SPAG17: variants seen among roughly 807,000 people sequenced by gnomAD.
The protein encoded by SPAG17 is sperm associated antigen 17.
In SPAG17, 169 loss-of-function variants were observed where a neutral mutation model predicts 273.6. The observed-to-expected ratio is 0.62, with a 90% confidence interval of 0.55 to 0.70. The LOEUF is 0.70. SPAG17 is among the 30% of genes least tolerant of loss of function. SPAG17 has a pLI of 0.00. For missense variants in SPAG17, 2,557 were observed against 2,627.8 expected (o/e 0.97, Z 0.59); for synonymous variants, 825 against 873.2 (o/e 0.94, Z 0.97).
intron 7 of SPAG17, among the ~76,000 whole-genome samples, chr1:118,093,787 A>T (rs1655539315): frequency 6.6e-6 from 1 of 152,220 alleles, no homozygotes; most frequent in Non-Finnish European, 1.5e-5. Context: ...GCATCTACAC[A>T]AGTATGTGGG....
intron 26 of SPAG17, among the ~76,000 whole-genome samples, chr1:118,027,917 G>A (rs1388884783): frequency 6.6e-6 from 1 of 152,158 alleles, no homozygotes; most frequent in African/African-American, 2.4e-5. Context: ...AGAACACAGG[G>A]ATACACACAA....
chr1:118,184,892 T>C (rs960049442), intron 1 of SPAG17, among the ~76,000 whole-genome samples, 179 bp downstream of exon 1: 3 of 152,136 alleles, frequency 2.0e-5, no homozygotes, highest in African/African-American at 7.2e-5. Flanking sequence ...TGGTGGGTGT[T>C]CCCTTAAGTT....
intron 38 of SPAG17, among the ~76,000 whole-genome samples, chr1:117,989,654 C>T (rs1447029187): frequency 1.3e-5 from 2 of 152,144 alleles, no homozygotes; most frequent in Non-Finnish European, 2.9e-5. Context: ...CTGCTCATTG[C>T]AACCATCACC....
intron 19 of SPAG17, 45 bp downstream of exon 19, chr1:118,055,688 C>T (rs200512441): frequency 5.5e-5 from 78 of 1,415,260 alleles, no homozygotes; most frequent in Admixed American, 7.9e-5. Context: ...GAGAGAAGAA[C>T]GTTCTTGAAT....
rs1468937045 is a variant in SPAG17, at chr1:118,093,231, C to T, written c.1098G>A (p.Leu366=). 6.2e-7 allele frequency: 1 copy of T among 1,613,656 alleles called. No homozygotes were observed. The highest frequency in any genetic ancestry group is 8.5e-7 in the Non-Finnish European group (1 of 1,179,818). ...LDWKRQHQHY[L]ESMQLINVPQ... ...GAACATTAATAAGCTGCATGCTTTC[C>T]AAATAGTGCTGGTGCTGCCTTTTCC... Residue 366 remains leucine, a synonymous_variant, in exon 8 of 49, where the codon TTG becomes TTA. Coordinates refer to ENST00000336338, the MANE Select transcript of SPAG17 (RefSeq NM_206996.4).
At chr1:117,979,708 T>C (rs1655553087) in intron 43 of SPAG17, among the ~76,000 whole-genome samples, 1 of 152,232 alleles carries the variant, frequency 6.6e-6, no homozygotes, top group African/African-American at 2.4e-5. Context: ...CATCTTCTTT[T>C]ACTTTTTCCT....
At chr1:118,099,186 A>C (rs576959177) in intron 6 of SPAG17, among the ~76,000 whole-genome samples, 325 of 152,298 alleles carry the variant, frequency 2.1e-3, no homozygotes, top group African/African-American at 7.5e-3. Flanking sequence ...TCATAATAAG[A>C]CAATAGCAGA....
intron 10 of SPAG17, among the ~76,000 whole-genome samples, chr1:118,091,339 A>G (rs1244264141): frequency 6.6e-6 from 1 of 152,200 alleles, no homozygotes; most frequent in Non-Finnish European, 1.5e-5. Context: ...TTCCATTAAA[A>G]TGACACCAGA....
intron 8 of SPAG17, among the ~76,000 whole-genome samples, chr1:118,092,752 G>C (rs532430598): frequency 2.0e-5 from 3 of 152,138 alleles, no homozygotes; most frequent in African/African-American, 7.2e-5. Flanking sequence ...ATCATGCTAC[G>C]TTGAAATCAT....
rs1201326687 is a variant in SPAG17 at position 118,031,717 on chromosome 1, T to C, written c.3584A>G (p.Glu1195Gly). The change falls in exon 25 of 49, where the codon GAA becomes GGA. Residue 1195 changes from glutamate (E) to glycine (G), a missense_variant. Physicochemically the swap from Glu to Gly is moderately conservative, Grantham distance 98 (BLOSUM62 -2). Coordinates refer to ENST00000336338, the MANE Select transcript of SPAG17 (RefSeq NM_206996.4). ...CTTTTTCTCTTCTTCTTTTGGGTGTTCTTCTTCTTTAAGGGATTCTTTGGG... is the reference window on the plus strand; with the variant it reads ...CTTTTTCTCTTCTTCTTTTGGGTGTCCTTCTTCTTTAAGGGATTCTTTGGG... ...EKPKESLKEEEHPKEEEKKEE... is the reference protein window; with the variant it reads ...EKPKESLKEEGHPKEEEKKEE... 5 of 1,613,324 alleles carry C rather than the reference T, an allele frequency of 3.1e-6. No individual in the cohort carries two copies. Among genetic ancestry groups the C allele is most frequent in the Non-Finnish European group, 4.2e-6 (5 of 1,179,758 alleles).
At chr1:118,175,901 C>T (rs895519474) in intron 1 of SPAG17, among the ~76,000 whole-genome samples, 5 of 151,980 alleles carry the variant, frequency 3.3e-5, no homozygotes, top group Non-Finnish European at 7.4e-5. Context: ...CTATTAAAAA[C>T]AATAATAGCT....
At chr1:118,058,711 A>G (rs778495156) in intron 18 of SPAG17, among the ~76,000 whole-genome samples, 5 of 152,138 alleles carry the variant, frequency 3.3e-5, no homozygotes, top group Non-Finnish European at 5.9e-5. Context: ...CCAGTAATCA[A>G]CTCTACACTA....
chr1:118,077,813 T>A (rs2102129189), intron 15 of SPAG17, among the ~76,000 whole-genome samples: 1 of 152,254 alleles, frequency 6.6e-6, no homozygotes, highest in African/African-American at 2.4e-5. Flanking sequence ...AAAATCACCA[T>A]GAATGAGACT....
Position 118,091,715 on chromosome 1 carries a change from GTCACTGTAAAATA to G in SPAG17, c.1247-10_1249del. The G allele has an allele frequency of 6.3e-7, 1 of 1,586,730 alleles. No homozygotes were observed. The highest frequency in any genetic ancestry group is 8.6e-7 in the Non-Finnish European group (1 of 1,156,110). On this transcript the variant is annotated splice_acceptor_variant and splice_polypyrimidine_tract_variant and coding_sequence_variant and intron_variant, in exon 10 of 49. Coordinates refer to ENST00000336338, the MANE Select transcript of SPAG17 (RefSeq NM_206996.4). LOFTEE classifies it high-confidence loss of function. ...GTCTACTTCAGTTGTGATGACTGAAGTCACTGTAAAATATAGAAAATACCATTGCCCAATTAAG... is the reference window on the plus strand; with the variant it reads ...GTCTACTTCAGTTGTGATGACTGAAGTAGAAAATACCATTGCCCAATTAAG...
chr1:118,096,105 C>T (rs888296849), intron 7 of SPAG17, among the ~76,000 whole-genome samples: 8 of 152,158 alleles, frequency 5.3e-5, no homozygotes, highest in South Asian at 4.1e-4. Context: ...ACATCTAATG[C>T]CTTGTGCTGA....
intron 23 of SPAG17, among the ~76,000 whole-genome samples, chr1:118,037,715 A>G (rs1461080728): frequency 6.6e-6 from 1 of 152,182 alleles, no homozygotes; most frequent in Non-Finnish European, 1.5e-5. Flanking sequence ...CGTAGTGTGT[A>G]TGTACCACAT....
At position 117,970,118 on chromosome 1, in the gene SPAG17, T is replaced by A; in HGVS notation, c.6327-2A>T. The A allele has an allele frequency of 6.2e-7, 1 of 1,610,378 alleles. No individual in the cohort carries two copies. The highest frequency in any genetic ancestry group is 8.5e-7 in the Non-Finnish European group (1 of 1,178,890). On this transcript the variant is annotated splice_acceptor_variant, in intron 45 of 48. Transcript: ENST00000336338. LOFTEE classifies it high-confidence loss of function. ...GGTGGGGGCTGCTTTACTTTAAACC[T>A]ACAAGGCAGAAAGATAAAAATAAAT... is the stretch of plus-strand genomic sequence containing the variant.
intron 48 of SPAG17, chr1:117,954,513 CTG>C: frequency 7.0e-7 from 1 of 1,435,856 alleles, no homozygotes. Context: ...AGTTACCACT[CTG>C]TCTATAACAA....
rs1168728470 is a variant in SPAG17, at chr1:117,958,949, G to T, written c.*4850C>A. On this transcript the variant is annotated intron_variant, in intron 48 of 48. Transcript: ENST00000336338. Reference sequence around the variant, plus strand: ...AGATCACTAGCAATCAAATGCTTGTGCCAGTGATAGAAAAATTAAGGGAAA... The same window carrying T: ...AGATCACTAGCAATCAAATGCTTGTTCCAGTGATAGAAAAATTAAGGGAAA... The T allele has an allele frequency of 3.1e-6, 5 of 1,613,972 alleles. No individual in the cohort carries two copies. The South Asian group carries it at 5.5e-5, about 18-fold the overall frequency.
Sources: allele counts gnomAD v4.1 joint callset (sites outside exome capture counted in the v4.1 genomes callset), GRCh38; gene constraint gnomAD v4.1.1; transcripts MANE v1.5; gene names NCBI Gene and HGNC (gene_info 2026-07-23, HGNC 2026-07-21).